The following CAPZB variants were observed in gnomAD, a reference collection of about 807,000 sequenced individuals.
CAPZB encodes the protein capping actin protein of muscle Z-line subunit beta.
A neutral mutation model predicts 38.1 loss-of-function variants in CAPZB; 2 were observed. That is an observed-to-expected ratio of 0.05 (90% CI 0.02 to 0.17). The LOEUF is 0.17. Ranked by LOEUF, CAPZB falls within the 10% of genes least tolerant of loss-of-function variation. The pLI is 1.00. For missense variants in CAPZB, 161 were observed against 334.2 expected, an observed-to-expected ratio of 0.48 and a Z score of 4.04; for synonymous variants, 107 against 127.4, an observed-to-expected ratio of 0.84 and a Z score of 1.08.
At chr1:19,449,185 T>C (rs983833275) in intron 1 of CAPZB, 1 of 1,233,670 alleles carries the variant, frequency 8.1e-7, no homozygotes, top group African/African-American at 1.5e-5. Context: ...GCGGTGTCTC[T>C]GAGCAGGCCT....
At chr1:19,446,268 TTC>T (rs1423671565) in intron 1 of CAPZB, among the ~76,000 whole-genome samples, 3 of 152,224 alleles carry the variant, frequency 2.0e-5, no homozygotes, top group Non-Finnish European at 2.9e-5. Flanking sequence ...GAGACCATTT[TTC>T]TCTGTTTCAA....
At chr1:19,476,219 G>C (rs201846876) in intron 1 of CAPZB, among the ~76,000 whole-genome samples, 2 of 35,358 alleles carry the variant, frequency 5.7e-5, no homozygotes, top group African/African-American at 1.1e-4. Context: ...TAGATAGATA[G>C]ATAGATAGGC....
In CAPZB at chr1:19,344,352, C is replaced by T. The variant is rs368656344; in HGVS notation, c.731+6G>A. On this transcript the variant is annotated splice_donor_region_variant and intron_variant, in intron 8 of 8. Coordinates refer to ENST00000264202, the MANE Select transcript of CAPZB (RefSeq NM_004930.5). ...CTTCTAAAGCTTGTGCTTTCTGGTA[C>T]ATTACCTCAGCCCATTGACGATATC... 66 of 1,607,852 alleles carry T rather than the reference C, an allele frequency of 4.1e-5. No individual in the cohort carries two copies. The highest frequency in any genetic ancestry group is 5.4e-5 in the Non-Finnish European group (63 of 1,174,334).
At chr1:19,382,840 C>G (rs116555640) in intron 3 of CAPZB, among the ~76,000 whole-genome samples, 1,887 of 152,208 alleles carry the variant, frequency 0.012, 21 homozygotes, top group Middle Eastern at 0.041. Flanking sequence ...TAAGCAAGAC[C>G]AGTTCAAGGA....
intron 1 of CAPZB, among the ~76,000 whole-genome samples, chr1:19,467,169 C>T (rs2094571751): frequency 6.6e-6 from 1 of 152,150 alleles, no homozygotes; most frequent in Non-Finnish European, 1.5e-5. Flanking sequence ...ATCCACCATG[C>T]CTGGCAACTA....
At chr1:19,353,295 G>A (rs766671133) in intron 6 of CAPZB, among the ~76,000 whole-genome samples, 2 of 152,150 alleles carry the variant, frequency 1.3e-5, no homozygotes, top group Non-Finnish European at 2.9e-5. Flanking sequence ...GCATGTGAGC[G>A]TGGGTGACCT....
At chr1:19,469,289 G>C (rs1449844928) in intron 1 of CAPZB, among the ~76,000 whole-genome samples, 1 of 152,192 alleles carries the variant, frequency 6.6e-6, no homozygotes, top group African/African-American at 2.4e-5. Context: ...TTTTACGGCA[G>C]TAGATGACTA....
intron 6 of CAPZB, among the ~76,000 whole-genome samples, chr1:19,352,276 T>C (rs980441029): frequency 6.6e-5 from 10 of 152,248 alleles, no homozygotes; most frequent in African/African-American, 1.4e-4. Flanking sequence ...TGAAGATATA[T>C]TGGGGGTGTC....
At chr1:19,411,860 T>C (rs1046443639) in intron 2 of CAPZB, among the ~76,000 whole-genome samples, 1 of 152,078 alleles carries the variant, frequency 6.6e-6, no homozygotes, top group Non-Finnish European at 1.5e-5. Flanking sequence ...TGGACACAAA[T>C]CAGAGGCTGC....
chr1:19,436,914 G>C (rs528689359), intron 1 of CAPZB, among the ~76,000 whole-genome samples: 2 of 152,216 alleles, frequency 1.3e-5, no homozygotes. Flanking sequence ...CTGTGTACCC[G>C]CAGTGTGGCT....
intron 6 of CAPZB, among the ~76,000 whole-genome samples, chr1:19,353,953 G>A (rs963126460): frequency 6.6e-6 from 1 of 152,254 alleles, no homozygotes; most frequent in African/African-American, 2.4e-5. Context: ...CGGCTGCTGA[G>A]ACAGAGTCCT....
At chr1:19,450,120 G>C (rs1304109672) in intron 1 of CAPZB, among the ~76,000 whole-genome samples, 1 of 131,814 alleles carries the variant, frequency 7.6e-6, no homozygotes, top group Non-Finnish European at 1.6e-5. Context: ...CTCCAACCTG[G>C]GCAACAGAGC....
intron 1 of CAPZB, among the ~76,000 whole-genome samples, chr1:19,461,160 G>A (rs1558283364): frequency 1.3e-5 from 2 of 152,138 alleles, no homozygotes; most frequent in Admixed American, 6.5e-5. Flanking sequence ...CAGAAGTATT[G>A]TTAGTGGATG....
intron 6 of CAPZB, among the ~76,000 whole-genome samples, chr1:19,353,198 C>G (rs1157124494): frequency 6.6e-6 from 1 of 152,212 alleles, no homozygotes; most frequent in Non-Finnish European, 1.5e-5. Flanking sequence ...GCTGGGATGG[C>G]TCTTGGGGCT....
At chr1:19,465,611 T>C (rs2100756557) in intron 1 of CAPZB, among the ~76,000 whole-genome samples, 1 of 152,188 alleles carries the variant, frequency 6.6e-6, no homozygotes. Flanking sequence ...CAGGTAGAAG[T>C]GGTGTGGTCC....
intron 4 of CAPZB, among the ~76,000 whole-genome samples, chr1:19,370,765 GCT>G (rs149147235): frequency 0.022 from 3,362 of 152,232 alleles, 135 homozygotes; most frequent in African/African-American, 0.075. Flanking sequence ...TCTCAGGCCA[GCT>G]CTGTTAGCCC....
chr1:19,367,951 C>A (rs2094099106), intron 4 of CAPZB, among the ~76,000 whole-genome samples: 1 of 152,188 alleles, frequency 6.6e-6, no homozygotes, highest in African/African-American at 2.4e-5. Context: ...GCCCTCTGGA[C>A]TACTTGTGAA....
intron 1 of CAPZB, among the ~76,000 whole-genome samples, chr1:19,434,720 A>G (rs1367414580): frequency 6.6e-6 from 1 of 152,156 alleles, no homozygotes; most frequent in Non-Finnish European, 1.5e-5. Context: ...ACTTGAGCCT[A>G]GGAGTTCAAA....
intron 8 of CAPZB, 108 bp downstream of exon 8, chr1:19,344,250 C>T: frequency 1.2e-6 from 1 of 826,874 alleles, no homozygotes; most frequent in Non-Finnish European, 2.1e-6. Context: ...GGCACTGCAG[C>T]CTACCAATGA....
Sources: allele counts gnomAD v4.1 joint callset (sites outside exome capture counted in the v4.1 genomes callset), GRCh38; gene constraint gnomAD v4.1.1; transcripts MANE v1.5; gene names NCBI Gene and HGNC (gene_info 2026-07-23, HGNC 2026-07-21).